The following POP1 variants were observed in gnomAD, a reference collection of about 807,000 sequenced individuals.
The protein encoded by POP1 is POP1 ribonuclease P/MRP subunit, also known as ribonucleases P/MRP protein subunit POP1.
POP1 carries 75 observed loss-of-function variants against 102.2 expected under a neutral mutation model. That is an observed-to-expected ratio of 0.73 (90% CI 0.61 to 0.89). The LOEUF is 0.89. Ranked by LOEUF, POP1 falls within the 40% of genes least tolerant of loss-of-function variation. POP1 has a pLI of 0.00. For missense variants in POP1, 1,116 were observed against 1,267.4 expected, an observed-to-expected ratio of 0.88 and a Z score of 1.81; for synonymous variants, 436 against 464.1, an observed-to-expected ratio of 0.94 and a Z score of 0.78.
intron 14 of POP1, among the ~76,000 whole-genome samples, chr8:98,150,981 A>T (rs1586249922): frequency 1.3e-5 from 2 of 152,328 alleles, no homozygotes; most frequent in Middle Eastern, 6.8e-3. Flanking sequence ...TGTTTTTAAA[A>T]CTTATTATAG....
chr8:98,151,889 C>A (rs571172397), intron 14 of POP1, among the ~76,000 whole-genome samples: 10 of 151,996 alleles, frequency 6.6e-5, no homozygotes, highest in African/African-American at 2.4e-4. Context: ...ACTATAGGCA[C>A]CTGCCACCAT....
chr8:98,141,189 C>T (rs1320723269), intron 11 of POP1, among the ~76,000 whole-genome samples: 1 of 151,754 alleles, frequency 6.6e-6, no homozygotes, highest in Non-Finnish European at 1.5e-5. Flanking sequence ...AAATGTCTGG[C>T]GTTTCAGAAT....
rs190836091 is a variant in POP1 at position 98,129,068 on chromosome 8, T to C, written c.486+528T>C. ...TTATGGGTGCTTTGAAATATAGGAT[T>C]TGATACTCCTCTCTTGTAAGGGTGT... On this transcript the variant is annotated intron_variant, in intron 4 of 15. Coordinates refer to ENST00000401707, the MANE Select transcript of POP1 (RefSeq NM_001145860.2). 3.9e-5 allele frequency among the ~76,000 whole-genome samples: 6 copies of C among 152,330 alleles called. No homozygotes were observed. The East Asian group carries it at 1.2e-3, about 29-fold the overall frequency.
intron 2 of POP1, among the ~76,000 whole-genome samples, chr8:98,125,720 A>G (rs535750792): frequency 1.3e-5 from 2 of 151,908 alleles, no homozygotes; most frequent in Non-Finnish European, 2.9e-5. Flanking sequence ...TTTTGTATTT[A>G]GTAGAGACGG....
chr8:98,148,722 CA>C, intron 12 of POP1, 92 bp from the exon 13 acceptor site: 1 of 1,065,688 alleles, frequency 9.4e-7, no homozygotes, highest in Non-Finnish European at 1.4e-6. Flanking sequence ...TTTAAAAGAG[CA>C]TTTAATTTTC....
chr8:98,142,070 G>C (rs781473898), intron 11 of POP1, among the ~76,000 whole-genome samples: 2 of 151,996 alleles, frequency 1.3e-5, no homozygotes, highest in Non-Finnish European at 2.9e-5. Context: ...ATGTGGTCTG[G>C]TGCAACGTAA....
At chr8:98,129,948 T>C (rs1169064596) in intron 4 of POP1, 30 bp from the exon 5 acceptor site, 4 of 1,612,168 alleles carry the variant, frequency 2.5e-6, no homozygotes, top group African/African-American at 1.3e-5. Context: ...TCTTACAAAC[T>C]GGGATATGTC....
intron 14 of POP1, among the ~76,000 whole-genome samples, chr8:98,153,842 C>G (rs1809581589): frequency 6.6e-6 from 1 of 152,068 alleles, no homozygotes; most frequent in Admixed American, 6.6e-5. Flanking sequence ...GGCCCTGGCT[C>G]TTAATCCTAT....
intron 9 of POP1, among the ~76,000 whole-genome samples, chr8:98,139,752 A>C (rs542192066): frequency 9.9e-5 from 15 of 152,158 alleles, no homozygotes; most frequent in African/African-American, 3.1e-4. Context: ...GAGAGGAGCG[A>C]GGCCTCCTTT....
intron 11 of POP1, among the ~76,000 whole-genome samples, chr8:98,145,343 G>A (rs140243800): frequency 6.6e-6 from 1 of 152,238 alleles, no homozygotes; most frequent in Non-Finnish European, 1.5e-5. Flanking sequence ...ATGTGCCTTT[G>A]AGTGATGTTT....
rs769588992 is a variant in POP1, at chr8:98,158,130, T to C, written c.2934T>C (p.Cys978=). ...GAGATTTTTCCATGGCTGTTGGCTG[T>C]GGAGAAGCCCTGGGGTTTGTTAGCT... ...TQGDFSMAVG[C]GEALGFVSLT... Residue 978 remains cysteine, a synonymous_variant, in exon 16 of 16, where the codon TGT becomes TGC. Transcript: ENST00000401707. The C allele has an allele frequency of 2.5e-6, 4 of 1,607,244 alleles. No homozygotes were observed. The Admixed American group carries it at 6.7e-5, about 27-fold the overall frequency.
At chr8:98,141,139 A>G (rs1229875485) in intron 11 of POP1, among the ~76,000 whole-genome samples, 1 of 151,678 alleles carries the variant, frequency 6.6e-6, no homozygotes, top group Non-Finnish European at 1.5e-5. Context: ...TTTTTTTAGT[A>G]TCTAGTAAAA....
At position 98,125,051 on chromosome 8, in the gene POP1, A is replaced by AT. The variant is rs562268402; in HGVS notation, c.142+1580dup. Among the ~76,000 whole-genome samples, 35 of 152,060 alleles carry AT rather than the reference A, an allele frequency of 2.3e-4. No individual in the cohort carries two copies. The South Asian group carries it at 4.0e-3, about 17-fold the overall frequency. ...CCATGCCATATGATAAGGCTTTCAC[A>AT]TTTTTTTTATCTCATTTAAACCTCA... On this transcript the variant is annotated intron_variant, in intron 2 of 15. Coordinates refer to ENST00000401707, the MANE Select transcript of POP1 (RefSeq NM_001145860.2).
At chr8:98,123,275 T>A (rs1456696480) in intron 1 of POP1, 61 bp from the exon 2 acceptor site, 1 of 1,559,678 alleles carries the variant, frequency 6.4e-7, no homozygotes, top group Non-Finnish European at 8.8e-7. Flanking sequence ...TCATTAAATT[T>A]ATTTTTATTT....
rs753604743 is a variant in POP1, at chr8:98,136,518, G to A, written c.1048G>A (p.Val350Met). The A allele has an allele frequency of 3.1e-6, 5 of 1,614,020 alleles. No individual in the cohort carries two copies. Among genetic ancestry groups the A allele is most frequent in the Non-Finnish European group, 3.4e-6 (4 of 1,179,926 alleles). The change falls in exon 8 of 16, where the codon GTG (valine) becomes ATG (methionine). Residue 350 changes from valine (V) to methionine (M), a missense_variant. Coordinates refer to ENST00000401707, the MANE Select transcript of POP1 (RefSeq NM_001145860.2). ...LEEIKAACQC[V>M]EPIKSAVCIA... is the part of the protein sequence containing the mutation. Reference sequence around the variant, plus strand: ...GGAAATAAAAGCAGCGTGCCAGTGTGTGGAACCCATCAAATCAGCTGTCTG... The same window carrying A: ...GGAAATAAAAGCAGCGTGCCAGTGTATGGAACCCATCAAATCAGCTGTCTG...
Position 98,159,348 on chromosome 8 carries a change from G to C in POP1, c.*1077G>C, listed in dbSNP as rs995753917. The stretch of plus-strand genomic sequence containing the variant: ...CAAGCTGCCTTTCAACACTCATGCA[G>C]TCACGTTGTCCACCTGAGATTCTCA... On this transcript the variant is annotated 3_prime_UTR_variant, in exon 16 of 16. Transcript: ENST00000401707. 2 of 152,196 alleles carry C rather than the reference G, an allele frequency of 1.3e-5. No homozygotes were observed. Among genetic ancestry groups the C allele is most frequent in the Non-Finnish European group, 2.9e-5 (2 of 68,050 alleles). The allele number at this position is 152,196 out of a possible 1,614,324, so 9.4% of individuals were successfully genotyped here. A position where few individuals can be genotyped will look rare whatever the true frequency, so the allele number is the denominator to read the frequency against.
intron 9 of POP1, among the ~76,000 whole-genome samples, chr8:98,139,188 C>T (rs28417572): frequency 0.13 from 20,176 of 152,202 alleles, 1,442 homozygotes; most frequent in Middle Eastern, 0.26. Context: ...GCACATCCTA[C>T]TTCAGTGAAC....
At chr8:98,153,381 G>A (rs781736985) in intron 14 of POP1, among the ~76,000 whole-genome samples, 1 of 152,118 alleles carries the variant, frequency 6.6e-6, no homozygotes, top group South Asian at 2.1e-4. Flanking sequence ...AGGAAGAAGG[G>A]GGGGATTCAG....
Position 98,117,386 on chromosome 8 carries a change from G to C in POP1, c.-7G>C, listed in dbSNP as rs374988051. ...GACCCGGGGATTCCTCACAGCGTCTGGCAGGTTGGTCGTGAGGGGCTGGTG... is the reference window on the plus strand; with the variant it reads ...GACCCGGGGATTCCTCACAGCGTCTCGCAGGTTGGTCGTGAGGGGCTGGTG... On this transcript the variant is annotated 5_prime_UTR_variant, in exon 1 of 16. Coordinates refer to ENST00000401707, the MANE Select transcript of POP1 (RefSeq NM_001145860.2). The C allele has an allele frequency of 5.0e-5, 22 of 442,182 alleles. No individual in the cohort carries two copies. The highest frequency in any genetic ancestry group is 6.3e-4 in the Middle Eastern group (1 of 1,578). 27.4% of individuals were successfully genotyped at this position (442,182 alleles called of 1,614,324 possible).
Sources: gnomAD v4.1 joint callset for allele counts (sites outside exome capture counted in the v4.1 genomes callset) on GRCh38, gnomAD v4.1.1 for gene constraint, MANE v1.5 for transcripts, NCBI Gene and HGNC (gene_info 2026-07-23, HGNC 2026-07-21) for gene names.